ROBO2: variants seen among roughly 807,000 people sequenced by gnomAD.
ROBO2 encodes roundabout guidance receptor 2.
Under a neutral mutation model 160.8 loss-of-function variants are expected in ROBO2, and 53 were observed. That is an observed-to-expected ratio of 0.33 (90% CI 0.26 to 0.41). ROBO2 has a LOEUF of 0.41. Ranked by LOEUF, ROBO2 falls within the 10% of genes least tolerant of loss-of-function variation. The pLI is 1.00. For missense variants in ROBO2, 1,577 were observed against 1,722.4 expected, an observed-to-expected ratio of 0.92 and a Z score of 1.49; for synonymous variants, 664 against 611.7, an observed-to-expected ratio of 1.09 and a Z score of -1.26.
chr3:75,994,404 G>GT (rs1576414181), intron 2 of ROBO2, among the ~76,000 whole-genome samples: 1 of 152,204 alleles, frequency 6.6e-6, no homozygotes, highest in East Asian at 1.9e-4. Flanking sequence ...GAGGGACCCA[G>GT]TGGGAGGTAA....
chr3:77,459,830 GGAA>G (rs1406537786), intron 2 of ROBO2, among the ~76,000 whole-genome samples: 1 of 151,724 alleles, frequency 6.6e-6, no homozygotes, highest in African/African-American at 2.4e-5. Flanking sequence ...AGCATGGTTG[GGAA>G]GGAAGGGAGC....
intron 2 of ROBO2, among the ~76,000 whole-genome samples, chr3:76,284,116 T>TA (rs892877578): frequency 2.6e-4 from 40 of 152,034 alleles, no homozygotes; most frequent in African/African-American, 9.4e-4. Flanking sequence ...TTTTCACCTT[T>TA]AAAAAATATA....
chr3:76,885,158 A>C (rs1272685604), intron 2 of ROBO2, among the ~76,000 whole-genome samples: 2 of 152,222 alleles, frequency 1.3e-5, no homozygotes, highest in South Asian at 2.1e-4. Context: ...GGTTTATATA[A>C]GCAAGCCATA....
chr3:77,067,790 G>C (rs953764190), intron 1 of ROBO2, among the ~76,000 whole-genome samples: 1 of 152,084 alleles, frequency 6.6e-6, no homozygotes, highest in Non-Finnish European at 1.5e-5. Context: ...GTTAAAATAA[G>C]AGGCATCAGA....
intron 2 of ROBO2, among the ~76,000 whole-genome samples, chr3:77,125,221 G>A (rs1036266396): frequency 5.9e-5 from 9 of 152,114 alleles, no homozygotes; most frequent in African/African-American, 2.2e-4. Context: ...AACTATAATA[G>A]TTGTGGTCTG....
chr3:77,398,614 C>T (rs1475010148), intron 2 of ROBO2, among the ~76,000 whole-genome samples: 1 of 152,022 alleles, frequency 6.6e-6, no homozygotes, highest in African/African-American at 2.4e-5. Context: ...GACAGTCTCA[C>T]TCTCCCGCCC....
At chr3:77,289,724 CG>C (rs1471984759) in intron 2 of ROBO2, among the ~76,000 whole-genome samples, 4 of 148,580 alleles carry the variant, frequency 2.7e-5, no homozygotes, top group Non-Finnish European at 5.9e-5. Flanking sequence ...GACGGTTAAA[CG>C]GGTAAGCTGA....
chr3:77,049,247 T>G (rs1166321349), intron 1 of ROBO2, among the ~76,000 whole-genome samples: 2 of 152,132 alleles, frequency 1.3e-5, no homozygotes, highest in Non-Finnish European at 2.9e-5. Flanking sequence ...AGAGGATTCC[T>G]TGAGCCCAGG....
chr3:76,386,882 G>A (rs1412834480), intron 2 of ROBO2, among the ~76,000 whole-genome samples: 1 of 152,180 alleles, frequency 6.6e-6, no homozygotes, highest in Non-Finnish European at 1.5e-5. Flanking sequence ...TAGGGTAGCT[G>A]TGGAGGTTAT....
intron 2 of ROBO2, among the ~76,000 whole-genome samples, chr3:77,291,709 C>T (rs552247681): frequency 6.6e-6 from 1 of 150,576 alleles, no homozygotes; most frequent in Non-Finnish European, 1.5e-5. Flanking sequence ...TCACTAAAGA[C>T]ATAAAGTAAA....
chr3:76,311,147 C>G (rs1157699839), intron 2 of ROBO2: 1 of 152,144 alleles, frequency 6.6e-6, no homozygotes, highest in Non-Finnish European at 1.5e-5. Context: ...TAGCTTGGCT[C>G]AGGGCTACAT....
At chr3:76,031,473 C>T (rs1356806571) in intron 2 of ROBO2, among the ~76,000 whole-genome samples, 1 of 152,116 alleles carries the variant, frequency 6.6e-6, no homozygotes, top group Non-Finnish European at 1.5e-5. Context: ...AGTTTTTGCC[C>T]AGTCAGTAAG....
chr3:75,933,109 A>G (rs1947617917), intron 1 of ROBO2, among the ~76,000 whole-genome samples: 1 of 152,200 alleles, frequency 6.6e-6, no homozygotes, highest in Admixed American at 6.5e-5. Context: ...ACCTAGTCTA[A>G]GGACAAAGGC....
At chr3:76,549,623 C>T (rs1023944669) in intron 2 of ROBO2, among the ~76,000 whole-genome samples, 5 of 152,176 alleles carry the variant, frequency 3.3e-5, no homozygotes, top group Non-Finnish European at 7.3e-5. Context: ...GATAGTTTAT[C>T]CTGTTTCCTG....
At chr3:76,701,364 A>T (rs564690905) in intron 2 of ROBO2, among the ~76,000 whole-genome samples, 1 of 152,106 alleles carries the variant, frequency 6.6e-6, no homozygotes, top group Admixed American at 6.6e-5. Context: ...AAAGTTAAGT[A>T]TATAAAATAT....
At chr3:76,947,872 T>C (rs1236614524) in intron 2 of ROBO2, among the ~76,000 whole-genome samples, 1 of 152,204 alleles carries the variant, frequency 6.6e-6, no homozygotes, top group Non-Finnish European at 1.5e-5. Flanking sequence ...ATGTTTAACC[T>C]CCCAAGATTA....
At chr3:77,330,053 T>A (rs1313622176) in intron 2 of ROBO2, among the ~76,000 whole-genome samples, 2 of 152,156 alleles carry the variant, frequency 1.3e-5, no homozygotes, top group Non-Finnish European at 2.9e-5. Context: ...TTTTTTAATA[T>A]AAATTAAACC....
chr3:75,936,762 C>T (rs575204250), intron 1 of ROBO2, among the ~76,000 whole-genome samples: 1 of 151,910 alleles, frequency 6.6e-6, no homozygotes, highest in East Asian at 1.9e-4. Context: ...CTTTGGTGGA[C>T]ATTTAAGTAT....
At chr3:77,064,242 T>C (rs561007485) in intron 1 of ROBO2, among the ~76,000 whole-genome samples, 1 of 152,310 alleles carries the variant, frequency 6.6e-6, no homozygotes, top group African/African-American at 2.4e-5. Flanking sequence ...TAAACATTAG[T>C]TTATAAAAGT....
Sources: allele counts gnomAD v4.1 joint callset (sites outside exome capture counted in the v4.1 genomes callset), GRCh38; gene constraint gnomAD v4.1.1; transcripts MANE v1.5; gene names NCBI Gene and HGNC (gene_info 2026-07-23, HGNC 2026-07-21).